The following FAT3 variants were observed in gnomAD, a reference collection of about 807,000 sequenced individuals.
The protein encoded by FAT3 is protocadherin Fat 3.
FAT3 carries 95 observed loss-of-function variants against 310.2 expected under a neutral mutation model. The observed-to-expected ratio is 0.31, with a 90% CI of 0.26 to 0.36. The LOEUF (loss-of-function observed/expected upper bound fraction) is 0.36. Among genes scored for constraint, FAT3 ranks in the 10% least tolerant of loss-of-function variants. The pLI is 1.00. For synonymous variants in FAT3, 2,314 were observed against 2,192.9 expected (o/e 1.06, Z -1.54); for missense variants, 5,408 against 5,715.6 (o/e 0.95, Z 1.74).
At chr11:92,340,693 C>T (rs559075118) in intron 1 of FAT3, among the ~76,000 whole-genome samples, 1 of 152,294 alleles carries the variant, frequency 6.6e-6, no homozygotes, top group African/African-American at 2.4e-5. Flanking sequence ...CAAAGATCCA[C>T]GTTGACCTGT....
chr11:92,627,969 G>A (rs576675523), intron 3 of FAT3, among the ~76,000 whole-genome samples: 5 of 152,326 alleles, frequency 3.3e-5, no homozygotes, highest in African/African-American at 9.6e-5. Context: ...CTGAGTCAGA[G>A]CTTGACACCT....
intron 1 of FAT3, among the ~76,000 whole-genome samples, chr11:92,225,383 CAGG>C (rs1350014009): frequency 3.3e-5 from 5 of 152,130 alleles, no homozygotes; most frequent in African/African-American, 9.7e-5. Flanking sequence ...CCGCTGCAAA[CAGG>C]AGAAGAGGGT....
chr11:92,649,881 A>G (rs1283938510), intron 3 of FAT3, among the ~76,000 whole-genome samples: 1,390 of 55,054 alleles, frequency 0.025, 36 homozygotes, highest in African/African-American at 0.085. Flanking sequence ...GTTCATATAT[A>G]TATATATATA....
intron 2 of FAT3, among the ~76,000 whole-genome samples, chr11:92,506,332 T>G (rs1004546712): frequency 1.3e-5 from 2 of 152,156 alleles, no homozygotes; most frequent in African/African-American, 4.8e-5. Flanking sequence ...CTCTTTTCTC[T>G]TTGCTGCTAG....
chr11:92,828,317 C>T (rs1194348474), intron 13 of FAT3, among the ~76,000 whole-genome samples: 4 of 152,104 alleles, frequency 2.6e-5, no homozygotes, highest in Admixed American at 1.3e-4. Context: ...GGCGACTATG[C>T]TTCTGACTTT....
At chr11:92,807,360 T>C (rs1396878546) in intron 12 of FAT3, among the ~76,000 whole-genome samples, 2 of 152,218 alleles carry the variant, frequency 1.3e-5, no homozygotes, top group Non-Finnish European at 2.9e-5. Context: ...AAGAATATGA[T>C]GCTCAGTATC....
chr11:92,611,797 TAAA>T (rs1315053868), intron 3 of FAT3, among the ~76,000 whole-genome samples: 1 of 152,176 alleles, frequency 6.6e-6, no homozygotes, highest in African/African-American at 2.4e-5. Flanking sequence ...GAAAATATTC[TAAA>T]AAGGCCAAAA....
In FAT3 at chr11:92,762,108, C is replaced by T. The variant is rs1247315871; in HGVS notation, c.3922C>T (p.Pro1308Ser). 6.2e-7 allele frequency: 1 copy of T among 1,613,828 alleles called. No homozygotes were observed. The highest frequency in any genetic ancestry group is 1.1e-5 in the South Asian group (1 of 91,068). Residue 1308 changes from proline to serine, a missense_variant, in exon 5 of 28, where the codon CCT becomes TCT. Physicochemically the swap from Pro to Ser is moderately conservative, Grantham distance 74. Around this residue, in one of 5 missense-constraint regions of FAT3, gnomAD observed 4,588 missense variants for 4,809.8 expected, o/e 0.95. Coordinates refer to ENST00000525166, the MANE Select transcript of FAT3 (RefSeq NM_001367949.2). ...GNDDGKFFID[P>S]KTGMVSSRKQ... ...TGATGACGGAAAGTTCTTTATTGAC[C>T]CTAAAACTGGGATGGTTTCTTCTAG...
At chr11:92,476,070 TGTGTGTGTGTGC>T (rs920883376) in intron 2 of FAT3, among the ~76,000 whole-genome samples, 1 of 151,398 alleles carries the variant, frequency 6.6e-6, no homozygotes, top group African/African-American at 2.4e-5. Context: ...TGTGTGAGTG[TGTGTGTGTGTGC>T]GTGTGTGTGT....
chr11:92,436,599 T>G (rs1235549646), intron 2 of FAT3, among the ~76,000 whole-genome samples: 1 of 152,142 alleles, frequency 6.6e-6, no homozygotes, highest in Non-Finnish European at 1.5e-5. Flanking sequence ...CTAGCACTGT[T>G]TCTTCAGTGG....
At chr11:92,771,313 C>T (rs560111006) in intron 6 of FAT3, among the ~76,000 whole-genome samples, 72 of 152,046 alleles carry the variant, frequency 4.7e-4, no homozygotes, top group Non-Finnish European at 7.9e-4. Context: ...ACGATTTGGA[C>T]GTGGTTTCCT....
At chr11:92,367,173 G>T in intron 2 of FAT3, 1 of 357,030 alleles carries the variant, frequency 2.8e-6, no homozygotes, top group South Asian at 2.5e-5. Context: ...GGTTGGCATT[G>T]TACCACCCAC....
chr11:92,497,144 G>A (rs909018435), intron 2 of FAT3, among the ~76,000 whole-genome samples: 5 of 151,984 alleles, frequency 3.3e-5, no homozygotes, highest in African/African-American at 1.2e-4. Flanking sequence ...ATAGACGCCT[G>A]GGCTTCCCCT....
At position 92,502,324 on chromosome 11, in the gene FAT3, TG is replaced by T. The variant is rs1473093213; in HGVS notation, c.3293-22309del. 2.0e-5 allele frequency among the ~76,000 whole-genome samples: 3 copies of T among 152,002 alleles called. No homozygotes were observed. In the East Asian group the frequency reaches 5.8e-4, roughly 29 times the overall value. On this transcript the variant is annotated intron_variant, in intron 2 of 27. Coordinates refer to ENST00000525166, the MANE Select transcript of FAT3 (RefSeq NM_001367949.2). ...AGTCTAATGCAGTCTCTGAGGACAG[TG>T]ATAGACAAGTGTGGGTTTTAGATGA... is the stretch of plus-strand genomic sequence containing the variant.
chr11:92,562,355 T>A (rs1955257140), intron 3 of FAT3, among the ~76,000 whole-genome samples: 1 of 152,170 alleles, frequency 6.6e-6, no homozygotes, highest in Non-Finnish European at 1.5e-5. Context: ...TCACGTATTT[T>A]CCCTTGCATA....
At chr11:92,409,238 A>C (rs1053770109) in intron 2 of FAT3, among the ~76,000 whole-genome samples, 14 of 151,464 alleles carry the variant, frequency 9.2e-5, no homozygotes, top group Non-Finnish European at 2.1e-4. Flanking sequence ...GAATCAATGA[A>C]GCTTTCGTGT....
At chr11:92,837,099 A>C (rs1948427436) in intron 16 of FAT3, among the ~76,000 whole-genome samples, 3 of 152,126 alleles carry the variant, frequency 2.0e-5, no homozygotes, top group Non-Finnish European at 2.9e-5. Flanking sequence ...TAGTCCAAAA[A>C]ATTTCTCTGT....
intron 7 of FAT3, among the ~76,000 whole-genome samples, chr11:92,781,560 A>G (rs1305016640): frequency 6.6e-6 from 1 of 152,106 alleles, no homozygotes; most frequent in Middle Eastern, 3.2e-3. Flanking sequence ...CTACACATTT[A>G]TATATATGAA....
chr11:92,377,450 G>T (rs1949377584), intron 2 of FAT3, among the ~76,000 whole-genome samples: 1 of 152,140 alleles, frequency 6.6e-6, no homozygotes. Context: ...CTGTTCAGCT[G>T]CCCAGATAAA....
Sources: gnomAD v4.1 joint callset for allele counts (sites outside exome capture counted in the v4.1 genomes callset) on GRCh38, gnomAD v4.1.1 for gene constraint, gnomAD v4.1.1 regional missense constraint, MANE v1.5 for transcripts, NCBI Gene and HGNC (gene_info 2026-07-23, HGNC 2026-07-21) for gene names.